Variants in SVIL observed in about 807,000 individuals in gnomAD.
The protein encoded by SVIL is supervillin, also known as archvillin.
In SVIL, 101 loss-of-function variants were observed where a neutral mutation model predicts 240.4. That is an observed-to-expected ratio of 0.42 (90% CI 0.36 to 0.50). The LOEUF (loss-of-function observed/expected upper bound fraction) is 0.50. Ranked by LOEUF, SVIL falls within the 20% of genes least tolerant of loss-of-function variation. The pLI is 0.01. For synonymous variants in SVIL, 999 were observed against 1,100.0 expected (o/e 0.91, Z 1.82); for missense variants, 2,512 against 2,818.7 (o/e 0.89, Z 2.46).
intron 3 of SVIL, among the ~76,000 whole-genome samples, chr10:29,651,618 T>TTCTCTC (rs9299622): frequency 0.019 from 2,552 of 135,376 alleles, 41 homozygotes; most frequent in South Asian, 0.046. Flanking sequence ...GCCACATGCA[T>TTCTCTC]TCTCTCTCTC....
At chr10:29,483,213 G>A (rs1214861962) in intron 27 of SVIL, 3 of 152,198 alleles carry the variant, frequency 2.0e-5, no homozygotes, top group Non-Finnish European at 2.9e-5. Flanking sequence ...TTTCTGCTTT[G>A]GAATCTGGCA....
intron 24 of SVIL, among the ~76,000 whole-genome samples, 188 bp downstream of exon 24, chr10:29,486,975 G>A (rs545427751): frequency 2.0e-5 from 3 of 152,124 alleles, no homozygotes; most frequent in Non-Finnish European, 2.9e-5. Context: ...TAGTCCTAAA[G>A]TATCCCATTT....
intron 1 of SVIL, among the ~76,000 whole-genome samples, chr10:29,703,079 A>G (rs989411853): frequency 2.0e-5 from 3 of 152,208 alleles, no homozygotes; most frequent in African/African-American, 7.2e-5. Context: ...CGAGGGTGCA[A>G]TGTGAAAGGA....
At chr10:29,585,842 G>A (rs774306880) in intron 1 of SVIL, among the ~76,000 whole-genome samples, 38 of 152,272 alleles carry the variant, frequency 2.5e-4, no homozygotes, top group African/African-American at 7.7e-4. Context: ...GCAGGTGTCC[G>A]ACGCCTCAGC....
intron 3 of SVIL, among the ~76,000 whole-genome samples, chr10:29,656,027 C>G (rs140560253): frequency 1.4e-5 from 2 of 147,460 alleles, no homozygotes; most frequent in East Asian, 2.0e-4. Flanking sequence ...TGTGGCACCA[C>G]GCCCAGCTAA....
intron 1 of SVIL, among the ~76,000 whole-genome samples, chr10:29,585,373 G>C (rs183528144): frequency 1.6e-3 from 240 of 152,094 alleles, no homozygotes; most frequent in African/African-American, 5.5e-3. Flanking sequence ...ATTCCTTATA[G>C]AGACAGTGGC....
At chr10:29,527,089 A>C in intron 12 of SVIL, 33 bp from the exon 13 acceptor site, 1 of 1,574,294 alleles carries the variant, frequency 6.4e-7, no homozygotes, top group Non-Finnish European at 8.7e-7. Context: ...GGAAACATTC[A>C]TAAGGAGAGA....
chr10:29,509,568 G>C (rs781711022), intron 17 of SVIL, among the ~76,000 whole-genome samples: 16 of 152,078 alleles, frequency 1.1e-4, no homozygotes, highest in Admixed American at 2.0e-4. Context: ...AAAACTCCAG[G>C]CTGGGCATGG....
At chr10:29,646,741 T>A (rs1455302212) in intron 3 of SVIL, among the ~76,000 whole-genome samples, 2 of 151,948 alleles carry the variant, frequency 1.3e-5, no homozygotes, top group Admixed American at 6.6e-5. Flanking sequence ...TGCAGTAGGG[T>A]CCCCAGTGAC....
intron 17 of SVIL, among the ~76,000 whole-genome samples, chr10:29,511,592 T>G (rs761242180): frequency 2.0e-5 from 3 of 152,272 alleles, no homozygotes; most frequent in Non-Finnish European, 4.4e-5. Flanking sequence ...GATCACATTT[T>G]TGAAATCTGA....
At chr10:29,502,661 G>A (rs1254459041) in intron 17 of SVIL, among the ~76,000 whole-genome samples, 2 of 152,042 alleles carry the variant, frequency 1.3e-5, no homozygotes, top group Non-Finnish European at 2.9e-5. Context: ...ATTTGTGTAT[G>A]TGTATGCACA....
intron 1 of SVIL, among the ~76,000 whole-genome samples, chr10:29,586,226 T>C (rs181762038): frequency 1.1e-3 from 160 of 152,290 alleles, no homozygotes; most frequent in African/African-American, 3.4e-3. Flanking sequence ...GTTAATGCAA[T>C]TTGAGGAGAG....
At chr10:29,584,987 G>A (rs1191748395) in intron 1 of SVIL, among the ~76,000 whole-genome samples, 5 of 152,098 alleles carry the variant, frequency 3.3e-5, no homozygotes, top group Non-Finnish European at 5.9e-5. Context: ...CTGAAGCCTC[G>A]ACTTCGGGTT....
At chr10:29,712,239 C>G (rs1963340621) in intron 1 of SVIL, among the ~76,000 whole-genome samples, 1 of 152,104 alleles carries the variant, frequency 6.6e-6, no homozygotes, top group African/African-American at 2.4e-5. Context: ...GAAATCTGAT[C>G]CTCTATGTTG....
chr10:29,564,289 G>C (rs1279806177), intron 2 of SVIL, among the ~76,000 whole-genome samples: 1 of 152,184 alleles, frequency 6.6e-6, no homozygotes, highest in Non-Finnish European at 1.5e-5. Flanking sequence ...TATTTGACAA[G>C]AAGAGGAGAT....
intron 16 of SVIL, 102 bp downstream of exon 16, chr10:29,522,308 T>G (rs1460823114): frequency 2.7e-6 from 3 of 1,117,862 alleles, no homozygotes; most frequent in African/African-American, 1.5e-5. Context: ...AGAAGCTGAA[T>G]GTATGATTTC....
At chr10:29,494,872 T>C (rs1402124571) in intron 20 of SVIL, 42 bp downstream of exon 20, 3 of 1,581,672 alleles carry the variant, frequency 1.9e-6, no homozygotes, top group Non-Finnish European at 2.6e-6. Context: ...AATTAGGATT[T>C]AGAGATTCTG....
intron 32 of SVIL, among the ~76,000 whole-genome samples, chr10:29,469,598 G>C (rs1050394686): frequency 2.0e-5 from 3 of 152,182 alleles, no homozygotes; most frequent in Admixed American, 2.0e-4. Flanking sequence ...TTACCGGGGG[G>C]GCCGGCCACC....
Position 29,458,551 on chromosome 10 carries a change from G to A in SVIL, c.6441C>T (p.Asp2147=), listed in dbSNP as rs138190166. The A allele has an allele frequency of 7.9e-4, 1,275 of 1,612,482 alleles. 13 individuals are homozygous for A. In the East Asian group the frequency reaches 0.015, roughly 20 times the overall value. Reference sequence around the variant, plus strand: ...TGGTTTTACAGAGCTTGGCTAAGACGTCTTCCACGAGGGTGATCTGATTGG... The same window carrying A: ...TGGTTTTACAGAGCTTGGCTAAGACATCTTCCACGAGGGTGATCTGATTGG... ...EVSNQITLVE[D]VLAKLCKTIY... The change falls in exon 37 of 38, where the codon GAC becomes GAT. Residue 2147 remains aspartate, a synonymous_variant. Coordinates refer to ENST00000355867, the MANE Select transcript of SVIL (RefSeq NM_021738.3).
Sources: allele counts gnomAD v4.1 joint callset (sites outside exome capture counted in the v4.1 genomes callset), GRCh38; gene constraint gnomAD v4.1.1; transcripts MANE v1.5; gene names NCBI Gene and HGNC (gene_info 2026-07-23, HGNC 2026-07-21).